Variants in CNTN1 observed in about 807,000 individuals in gnomAD.
CNTN1 encodes the protein contactin 1, also known as contactin-1.
A neutral mutation model predicts 126.4 loss-of-function variants in CNTN1; 38 were observed. The observed-to-expected ratio is 0.30, with a 90% confidence interval of 0.23 to 0.39. The LOEUF (loss-of-function observed/expected upper bound fraction) is 0.39. CNTN1 is among the 10% of genes least tolerant of loss of function. The pLI is 1.00. For missense variants in CNTN1, 1,009 were observed against 1,248.4 expected (o/e 0.81, Z 2.89); for synonymous variants, 413 against 422.6 (o/e 0.98, Z 0.28).
chr12:40,757,797 TAA>T (rs1348537925), intron 1 of CNTN1, among the ~76,000 whole-genome samples: 2 of 152,180 alleles, frequency 1.3e-5, no homozygotes, highest in African/African-American at 2.4e-5. Context: ...TTATCTATCT[TAA>T]GTTAGTCTTT....
chr12:40,701,331 T>G (rs1941589734), intron 1 of CNTN1, among the ~76,000 whole-genome samples: 1 of 152,204 alleles, frequency 6.6e-6, no homozygotes, highest in Non-Finnish European at 1.5e-5. Context: ...GCCAATCATT[T>G]GAATTTTGAC....
intron 1 of CNTN1, among the ~76,000 whole-genome samples, chr12:40,823,724 A>T (rs1473236597): frequency 6.6e-6 from 1 of 152,128 alleles, no homozygotes; most frequent in Admixed American, 6.6e-5. Context: ...ATGGACTTCC[A>T]TAGCTTAAGC....
intron 1 of CNTN1, among the ~76,000 whole-genome samples, chr12:40,743,756 T>C (rs1209794863): frequency 2.0e-5 from 3 of 152,134 alleles, no homozygotes; most frequent in Non-Finnish European, 4.4e-5. Flanking sequence ...GCTTTAATGA[T>C]AGTTTGTTTT....
chr12:41,035,925 G>A (rs1050457901), intron 23 of CNTN1, among the ~76,000 whole-genome samples: 1 of 152,112 alleles, frequency 6.6e-6, no homozygotes, highest in Non-Finnish European at 1.5e-5. Flanking sequence ...AAGTTCAATA[G>A]AAAAATGTTG....
At chr12:40,980,024 ACTTATT>A (rs775209002) in intron 15 of CNTN1, among the ~76,000 whole-genome samples, 4 of 152,176 alleles carry the variant, frequency 2.6e-5, no homozygotes, top group Non-Finnish European at 4.4e-5. Flanking sequence ...TTTTAATATT[ACTTATT>A]CTTATGACTA....
intron 1 of CNTN1, among the ~76,000 whole-genome samples, chr12:40,725,807 T>C (rs1346977218): frequency 6.6e-6 from 1 of 152,146 alleles, no homozygotes; most frequent in African/African-American, 2.4e-5. Flanking sequence ...GCAATAGTCT[T>C]GAGTAAAGTT....
rs770242044 is a variant in CNTN1 at position 40,933,741 on chromosome 12, C to G, written c.848C>G (p.Pro283Arg). 1 of 1,612,814 alleles carries G rather than the reference C, an allele frequency of 6.2e-7. No homozygotes were observed. Among genetic ancestry groups the G allele is most frequent in the South Asian group, 1.1e-5 (1 of 91,070 alleles). Residue 283 changes from proline (P) to arginine (R), a missense_variant, in exon 9 of 24, where the codon CCA (proline) becomes CGA (arginine). By Grantham distance (103) the Pro-to-Arg change is moderately radical. Coordinates refer to ENST00000551295, the MANE Select transcript of CNTN1 (RefSeq NM_001843.4). Reference sequence around the variant, plus strand: ...TGGCGGAAGGTTCTAGAACCAATGCCAAGCACTGCTGAGATTAGCACCTCT... The same window carrying G: ...TGGCGGAAGGTTCTAGAACCAATGCGAAGCACTGCTGAGATTAGCACCTCT... ...IRWRKVLEPM[P>R]STAEISTSGA... is the part of the protein sequence containing the mutation.
intron 7 of CNTN1, among the ~76,000 whole-genome samples, chr12:40,931,615 G>A (rs1235547357): frequency 1.3e-5 from 2 of 151,874 alleles, no homozygotes; most frequent in East Asian, 3.9e-4. Flanking sequence ...CTTTTATTTA[G>A]CTTATTTAGC....
intron 1 of CNTN1, among the ~76,000 whole-genome samples, chr12:40,902,579 A>T (rs182310958): frequency 6.6e-6 from 1 of 151,956 alleles, no homozygotes; most frequent in East Asian, 1.9e-4. Flanking sequence ...TGTGCCAAAA[A>T]ATTTTTTTTG....
Position 40,707,221 on chromosome 12 carries a change from CTTTTT to C in CNTN1, c.-77+14630_-77+14634del, listed in dbSNP as rs1565626433. ...CTCCTTTTCCTCTTTCATTTCTTTTCTTTTTCTTTTTTTTTTTTTTTTTTTTTTTT... is the reference window on the plus strand; with the variant it reads ...CTCCTTTTCCTCTTTCATTTCTTTTCCTTTTTTTTTTTTTTTTTTTTTTTT... On this transcript the variant is annotated intron_variant, in intron 1 of 23. Transcript: ENST00000551295. 1.2e-3 allele frequency among the ~76,000 whole-genome samples: 142 copies of C among 119,478 alleles called. 2 individuals are homozygous for C. The highest frequency in any genetic ancestry group is 0.011 in the East Asian group (47 of 4,454). 78.4% of individuals were successfully genotyped at this position (119,478 alleles called of 152,430 possible).
intron 1 of CNTN1, among the ~76,000 whole-genome samples, chr12:40,848,830 T>G (rs888071983): frequency 4.0e-5 from 6 of 151,554 alleles, no homozygotes; most frequent in African/African-American, 1.2e-4. Flanking sequence ...GGTGTGTTTT[T>G]TTTTTTTTTT....
chr12:40,773,286 C>A (rs907888823), intron 1 of CNTN1, among the ~76,000 whole-genome samples: 3 of 151,784 alleles, frequency 2.0e-5, no homozygotes, highest in African/African-American at 7.2e-5. Flanking sequence ...CTTTTCTGCT[C>A]TGACTGGCTT....
chr12:40,868,629 C>A (rs917713326), intron 1 of CNTN1, among the ~76,000 whole-genome samples: 1 of 152,096 alleles, frequency 6.6e-6, no homozygotes, highest in Non-Finnish European at 1.5e-5. Context: ...TAAAAATTGC[C>A]CTCTTTGCTC....
rs1175755286 is a variant in CNTN1, at chr12:41,020,438, C to A, written c.2521C>A (p.Gln841Lys). 2 of 1,587,626 alleles carry A rather than the reference C, an allele frequency of 1.3e-6. No homozygotes were observed. Among genetic ancestry groups the A allele is most frequent in the Non-Finnish European group, 8.6e-7 (1 of 1,156,914 alleles). The change falls in exon 20 of 24, where the codon CAG becomes AAG. Residue 841 changes from glutamine (Q) to lysine (K), a missense_variant and splice_region_variant. Gln to Lys is a moderately conservative substitution (Grantham distance 53). Transcript: ENST00000551295. ...TTTAGAAAAAATAGTGGAAAGCTAT[C>A]AGGTACGTTAAATTTTTATCAAACT... ...HVLEKIVESY[Q>K]IRYWAAHDKE...
At chr12:40,821,452 C>T (rs1338856513) in intron 1 of CNTN1, among the ~76,000 whole-genome samples, 1 of 152,148 alleles carries the variant, frequency 6.6e-6, no homozygotes. Flanking sequence ...ACTTGTTATA[C>T]TTTGATAAAC....
intron 23 of CNTN1, among the ~76,000 whole-genome samples, chr12:41,037,624 A>T (rs1395523091): frequency 6.6e-6 from 1 of 151,950 alleles, no homozygotes; most frequent in Non-Finnish European, 1.5e-5. Flanking sequence ...GTTTAAAATT[A>T]GAAAATACAT....
At chr12:40,901,718 T>C (rs1385502252) in intron 1 of CNTN1, among the ~76,000 whole-genome samples, 1 of 152,224 alleles carries the variant, frequency 6.6e-6, no homozygotes, top group Non-Finnish European at 1.5e-5. Context: ...ACATATTTTA[T>C]TCTGACAATG....
intron 1 of CNTN1, among the ~76,000 whole-genome samples, chr12:40,770,304 A>C (rs1399472914): frequency 6.6e-6 from 1 of 152,170 alleles, no homozygotes; most frequent in Non-Finnish European, 1.5e-5. Flanking sequence ...CCTCAGGCCC[A>C]GGGTTGCATT....
In CNTN1 at chr12:40,936,765, G is replaced by C. The variant is rs1240741402; in HGVS notation, c.986-16G>C. On this transcript the variant is annotated splice_polypyrimidine_tract_variant and intron_variant, in intron 9 of 23. Transcript: ENST00000551295. ...GAGCCCTTCATTTAACATTTACAAT[G>C]TTCCTTACTTTTTAGCATTCCCTGA... The C allele has an allele frequency of 2.5e-6, 4 of 1,610,466 alleles. No homozygotes were observed. Among genetic ancestry groups the C allele is most frequent in the Non-Finnish European group, 3.4e-6 (4 of 1,178,822 alleles).
Sources: gnomAD v4.1 joint callset for allele counts (sites outside exome capture counted in the v4.1 genomes callset) on GRCh38, gnomAD v4.1.1 for gene constraint, MANE v1.5 for transcripts, NCBI Gene and HGNC (gene_info 2026-07-23, HGNC 2026-07-21) for gene names.